The following PTPRT variants were observed in gnomAD, a reference collection of about 807,000 sequenced individuals.
PTPRT encodes the protein protein tyrosine phosphatase receptor type T.
PTPRT carries 56 observed loss-of-function variants against 176.8 expected under a neutral mutation model. That is an observed-to-expected ratio of 0.32 (90% CI 0.26 to 0.40). The LOEUF (loss-of-function observed/expected upper bound fraction) is 0.40. Among genes scored for constraint, PTPRT ranks in the 10% least tolerant of loss-of-function variants. PTPRT has a pLI of 1.00. For synonymous variants in PTPRT, 783 were observed against 739.0 expected (o/e 1.06, Z -0.96); for missense variants, 1,540 against 1,908.2 (o/e 0.81, Z 3.60).
chr20:43,126,319 C>G (rs759841820), intron 1 of PTPRT, among the ~76,000 whole-genome samples: 1 of 151,010 alleles, frequency 6.6e-6, no homozygotes, highest in Middle Eastern at 3.4e-3. Context: ...CCATTGCACT[C>G]TAGCCTGGGC....
intron 1 of PTPRT, among the ~76,000 whole-genome samples, chr20:42,913,007 G>A (rs79909103): frequency 0.019 from 2,875 of 152,278 alleles, 103 homozygotes; most frequent in African/African-American, 0.065. Context: ...ACTACGGATG[G>A]CCTTGGGAAA....
chr20:43,129,866 C>T (rs901015197), intron 1 of PTPRT, among the ~76,000 whole-genome samples: 1 of 152,024 alleles, frequency 6.6e-6, no homozygotes, highest in Non-Finnish European at 1.5e-5. Context: ...GATCCGCCCG[C>T]CTCGGCCTCC....
At chr20:43,063,518 G>C (rs145872480) in intron 1 of PTPRT, 15 of 152,240 alleles carry the variant, frequency 9.9e-5, no homozygotes, top group African/African-American at 3.4e-4. Context: ...CTTCAGTAAA[G>C]GGTATACCAA....
intron 11 of PTPRT, among the ~76,000 whole-genome samples, chr20:42,324,443 G>A (rs2057851748): frequency 6.6e-6 from 1 of 152,128 alleles, no homozygotes; most frequent in African/African-American, 2.4e-5. Flanking sequence ...ATGGGACTGT[G>A]GTGATAGTTG....
chr20:42,646,262 C>T (rs767410442), intron 7 of PTPRT, among the ~76,000 whole-genome samples: 2 of 152,166 alleles, frequency 1.3e-5, no homozygotes, highest in Non-Finnish European at 2.9e-5. Flanking sequence ...TGGCCCCTGG[C>T]AGAATGTATG....
chr20:42,469,088 T>A (rs2071149042), intron 8 of PTPRT, among the ~76,000 whole-genome samples: 1 of 152,196 alleles, frequency 6.6e-6, no homozygotes, highest in Admixed American at 6.5e-5. Flanking sequence ...TTTGTTTTTT[T>A]TTTCTCCTGT....
chr20:42,319,386 A>G (rs1314483591), intron 11 of PTPRT, among the ~76,000 whole-genome samples: 1 of 151,628 alleles, frequency 6.6e-6, no homozygotes, highest in Non-Finnish European at 1.5e-5. Flanking sequence ...CCAACTCCAT[A>G]TGAAATTACA....
intron 12 of PTPRT, among the ~76,000 whole-genome samples, chr20:42,293,102 A>C (rs1316920851): frequency 6.6e-6 from 1 of 152,244 alleles, no homozygotes; most frequent in Non-Finnish European, 1.5e-5. Context: ...CACTTGAGGC[A>C]ATAGCCAAGG....
chr20:42,336,707 C>CA (rs11481195), intron 11 of PTPRT, among the ~76,000 whole-genome samples: 8,632 of 151,274 alleles, frequency 0.057, 798 homozygotes, highest in African/African-American at 0.2. Context: ...TTATTTATAA[C>CA]AAAAAAAACT....
intron 1 of PTPRT, among the ~76,000 whole-genome samples, chr20:43,016,552 CTTT>C (rs11482189): frequency 3.9e-5 from 3 of 76,234 alleles, no homozygotes; most frequent in African/African-American, 2.1e-4. Context: ...TCTAAGGCCA[CTTT>C]TTTTTTTTTT....
intron 1 of PTPRT, among the ~76,000 whole-genome samples, chr20:43,100,839 C>T (rs1314387561): frequency 6.6e-6 from 1 of 151,028 alleles, no homozygotes; most frequent in East Asian, 1.9e-4. Flanking sequence ...ATGAAGATGA[C>T]ATTTCCCATG....
In PTPRT at chr20:42,525,818, T is replaced by C. The variant is rs562197945; in HGVS notation, c.1154-53256A>G. ...TCTATCTGTTGTTGGCTAGAGTTTA[T>C]CTTCTAATAATTTAACAATAAACAT... On this transcript the variant is annotated intron_variant, in intron 7 of 30. Coordinates refer to ENST00000373187, the MANE Select transcript of PTPRT (RefSeq NM_007050.6). 3.9e-5 allele frequency among the ~76,000 whole-genome samples: 6 copies of C among 152,334 alleles called. No homozygotes were observed. In the East Asian group the frequency reaches 9.6e-4, roughly 24 times the overall value.
At chr20:42,687,330 T>C (rs2075714855) in intron 6 of PTPRT, 2 of 152,186 alleles carry the variant, frequency 1.3e-5, no homozygotes, top group Non-Finnish European at 2.9e-5. Context: ...TCAGTCTACT[T>C]AACAACATCA....
intron 1 of PTPRT, among the ~76,000 whole-genome samples, chr20:43,081,113 G>A (rs746450354): frequency 4.6e-5 from 7 of 152,174 alleles, no homozygotes; most frequent in Non-Finnish European, 8.8e-5. Flanking sequence ...TCCTCATTCA[G>A]TTTTGATACT....
At chr20:42,378,944 T>A (rs559129204) in intron 9 of PTPRT, among the ~76,000 whole-genome samples, 42 of 152,366 alleles carry the variant, frequency 2.8e-4, no homozygotes, top group Non-Finnish European at 4.7e-4. Context: ...CCATGTGTAA[T>A]TTGACAGGTG....
At chr20:42,378,969 C>T (rs539974427) in intron 9 of PTPRT, among the ~76,000 whole-genome samples, 34 of 152,380 alleles carry the variant, frequency 2.2e-4, no homozygotes, top group African/African-American at 7.7e-4. Context: ...ACTGACTCAA[C>T]TTGCTCCAGC....
chr20:42,413,559 T>A (rs1295976331), intron 9 of PTPRT, among the ~76,000 whole-genome samples: 1 of 152,194 alleles, frequency 6.6e-6, no homozygotes, highest in Non-Finnish European at 1.5e-5. Context: ...CTTGAGCAGC[T>A]CAATAAAATA....
At chr20:42,209,715 G>C (rs1285939764) in intron 15 of PTPRT, among the ~76,000 whole-genome samples, 1 of 152,108 alleles carries the variant, frequency 6.6e-6, no homozygotes, top group African/African-American at 2.4e-5. Flanking sequence ...TTCTACCAGA[G>C]GTACAAGGAG....
chr20:42,085,071 C>T (rs1178422413), intron 28 of PTPRT, among the ~76,000 whole-genome samples: 1 of 152,162 alleles, frequency 6.6e-6, no homozygotes, highest in Non-Finnish European at 1.5e-5. Context: ...AACTCCTGCT[C>T]AGCCTTCAAA....
Sources: allele counts gnomAD v4.1 joint callset (sites outside exome capture counted in the v4.1 genomes callset), GRCh38; gene constraint gnomAD v4.1.1; transcripts MANE v1.5; gene names NCBI Gene and HGNC (gene_info 2026-07-23, HGNC 2026-07-21).